The following EYS variants were observed in gnomAD, a reference collection of about 807,000 sequenced individuals.
EYS encodes the protein protein eyes shut homolog.
A neutral mutation model predicts 282.1 loss-of-function variants in EYS; 250 were observed. That is an observed-to-expected ratio of 0.89 (90% CI 0.80 to 0.98). The LOEUF is 0.98. EYS is among the 50% of genes least tolerant of loss of function. The pLI is 0.00. For synonymous variants in EYS, 1,355 were observed against 1,282.9 expected (o/e 1.06, Z -1.20); for missense variants, 4,016 against 3,709.0 (o/e 1.08, Z -2.15).
intron 2 of EYS, among the ~76,000 whole-genome samples, chr6:65,592,106 ATT>A (rs1765252904): frequency 6.6e-6 from 1 of 151,992 alleles, no homozygotes; most frequent in Non-Finnish European, 1.5e-5. Flanking sequence ...ATATTCACTA[ATT>A]TTGATCATTT....
chr6:65,118,711 C>T (rs1287535427), intron 12 of EYS, among the ~76,000 whole-genome samples: 1 of 152,062 alleles, frequency 6.6e-6, no homozygotes, highest in Non-Finnish European at 1.5e-5. Context: ...TGGAAAGCCA[C>T]AAGAGAGTTT....
chr6:65,152,291 G>C (rs1354169130), intron 12 of EYS, among the ~76,000 whole-genome samples: 1 of 151,864 alleles, frequency 6.6e-6, no homozygotes, highest in African/African-American at 2.4e-5. Context: ...TACACACCTA[G>C]TGTTATGAGA....
chr6:64,421,859 G>GTAT (rs58189202), intron 28 of EYS, among the ~76,000 whole-genome samples: 30,466 of 123,516 alleles, frequency 0.25, 3,446 homozygotes, highest in East Asian at 0.43. Flanking sequence ...TTTGTTTGGG[G>GTAT]GGTGTGTGTG....
chr6:65,143,907 G>C (rs1289601517), intron 12 of EYS, among the ~76,000 whole-genome samples: 1 of 152,062 alleles, frequency 6.6e-6, no homozygotes, highest in Non-Finnish European at 1.5e-5. Flanking sequence ...CAACAATTAA[G>C]TAGAAAATTC....
intron 12 of EYS, among the ~76,000 whole-genome samples, chr6:65,069,857 GTCAGA>G (rs1561950630): frequency 5.3e-5 from 8 of 151,910 alleles, no homozygotes; most frequent in Non-Finnish European, 8.8e-5. Context: ...CCATAAAATA[GTCAGA>G]TTTATATTTT....
intron 30 of EYS, among the ~76,000 whole-genome samples, chr6:64,286,495 T>C (rs1177602138): frequency 6.6e-6 from 1 of 152,180 alleles, no homozygotes; most frequent in Non-Finnish European, 1.5e-5. Flanking sequence ...TGTAGTAATA[T>C]TTAAATGTGC....
At chr6:65,268,694 T>A (rs990139584) in intron 12 of EYS, among the ~76,000 whole-genome samples, 3 of 152,066 alleles carry the variant, frequency 2.0e-5, no homozygotes, top group African/African-American at 4.8e-5. Flanking sequence ...GATTGTATCA[T>A]TCTCATTCTC....
intron 30 of EYS, among the ~76,000 whole-genome samples, chr6:64,304,427 C>T (rs1010331712): frequency 6.6e-6 from 1 of 152,166 alleles, no homozygotes; most frequent in African/African-American, 2.4e-5. Flanking sequence ...ACACAACAAA[C>T]CAACTAGATC....
At chr6:64,278,916 C>A (rs1298295506) in intron 30 of EYS, among the ~76,000 whole-genome samples, 1 of 152,048 alleles carries the variant, frequency 6.6e-6, no homozygotes, top group African/African-American at 2.4e-5. Context: ...CCATGCCTGG[C>A]TAATTTTTTT....
chr6:64,200,845 C>A (rs1765440167), intron 31 of EYS, among the ~76,000 whole-genome samples: 1 of 152,082 alleles, frequency 6.6e-6, no homozygotes, highest in African/African-American at 2.4e-5. Context: ...CCTGGAAAGA[C>A]CATATAAAAG....
intron 5 of EYS, among the ~76,000 whole-genome samples, chr6:65,448,065 C>A (rs60771628): frequency 0.038 from 5,832 of 152,060 alleles, 348 homozygotes; most frequent in African/African-American, 0.12. Flanking sequence ...GCAATTTGGA[C>A]AAATTTTTCT....
chr6:65,047,704 C>A (rs1183119284), intron 13 of EYS, among the ~76,000 whole-genome samples: 1 of 151,854 alleles, frequency 6.6e-6, no homozygotes, highest in African/African-American at 2.4e-5. Flanking sequence ...TCCTAGCAGG[C>A]AAGAGATGAT....
At chr6:64,387,008 T>C (rs1213840724) in intron 29 of EYS, among the ~76,000 whole-genome samples, 5 of 152,132 alleles carry the variant, frequency 3.3e-5, no homozygotes, top group Non-Finnish European at 7.3e-5. Flanking sequence ...TATGTAAATA[T>C]ATACCATTTT....
chr6:63,924,923 C>T (rs1291758819), intron 35 of EYS, among the ~76,000 whole-genome samples: 7 of 152,124 alleles, frequency 4.6e-5, no homozygotes, highest in East Asian at 1.9e-4. Flanking sequence ...CCACTGATTG[C>T]GTGGGGAACT....
intron 2 of EYS, among the ~76,000 whole-genome samples, chr6:65,639,281 T>C (rs552057348): frequency 1.7e-4 from 26 of 152,226 alleles, no homozygotes; most frequent in African/African-American, 3.9e-4. Flanking sequence ...TAGAACTCTA[T>C]TAAGTCAAGT....
chr6:65,693,696 A>G lies in EYS; in HGVS notation c.-448+13439T>C. ...ATTAGGAAAGGATAATAGGAGGAGT[A>G]AGAACTTGCTTTTATGCATCTGAGT... is the stretch of plus-strand genomic sequence containing the variant. On this transcript the variant is annotated intron_variant, in intron 1 of 42. Transcript: ENST00000503581. Among the ~76,000 whole-genome samples, 2 of 150,222 alleles carry G rather than the reference A, an allele frequency of 1.3e-5. 1 individual carries two copies. Among genetic ancestry groups the G allele is most frequent in the Non-Finnish European group, 3.0e-5 (2 of 67,702 alleles).
chr6:63,842,733 G>A (rs1381878237), intron 36 of EYS, among the ~76,000 whole-genome samples: 1 of 152,126 alleles, frequency 6.6e-6, no homozygotes, highest in Admixed American at 6.6e-5. Context: ...AGTTTTTATG[G>A]TTTTAGTTCT....
intron 30 of EYS, among the ~76,000 whole-genome samples, chr6:64,249,547 G>C (rs557760046): frequency 1.3e-5 from 2 of 152,148 alleles, no homozygotes; most frequent in East Asian, 3.9e-4. Context: ...AAAAAGGAAG[G>C]GTAATTAAAA....
intron 33 of EYS, among the ~76,000 whole-genome samples, chr6:64,044,128 C>A (rs1770515785): frequency 6.6e-6 from 1 of 152,118 alleles, no homozygotes. Flanking sequence ...AAATAGGATT[C>A]CAAATATGTT....
Sources: allele counts gnomAD v4.1 joint callset (sites outside exome capture counted in the v4.1 genomes callset), GRCh38; gene constraint gnomAD v4.1.1; transcripts MANE v1.5; gene names NCBI Gene and HGNC (gene_info 2026-07-23, HGNC 2026-07-21).